The following OGN variants were observed in gnomAD, a reference collection of about 807,000 sequenced individuals.
The protein encoded by OGN is osteoglycin.
OGN carries 19 observed loss-of-function variants against 30.8 expected under a neutral mutation model. That is an observed-to-expected ratio of 0.62 (90% confidence interval 0.43 to 0.90). The LOEUF (loss-of-function observed/expected upper bound fraction) is 0.90. OGN is among the 40% of genes least tolerant of loss of function. OGN has a pLI of 0.00. For missense variants in OGN, 283 were observed against 349.7 expected (o/e 0.81, Z 1.52); for synonymous variants, 126 against 128.3 (o/e 0.98, Z 0.12).
chr9:92,387,565 C>T (rs1380755846), intron 5 of OGN, among the ~76,000 whole-genome samples: 1 of 151,864 alleles, frequency 6.6e-6, no homozygotes, highest in Non-Finnish European at 1.5e-5. Context: ...AATATGTATC[C>T]TGTGGTAGAT....
chr9:92,400,798 A>G (rs1843080928), intron 3 of OGN, among the ~76,000 whole-genome samples: 1 of 152,202 alleles, frequency 6.6e-6, no homozygotes, highest in Admixed American at 6.5e-5. Flanking sequence ...TATTTTGCAA[A>G]TAATCCGTGT....
chr9:92,397,467 C>T (rs1842936372), intron 3 of OGN, among the ~76,000 whole-genome samples: 1 of 152,136 alleles, frequency 6.6e-6, no homozygotes, highest in South Asian at 2.1e-4. Flanking sequence ...GCTGGGATTA[C>T]AGACATGTGC....
chr9:92,403,616 T>C, intron 1 of OGN, 134 bp from the exon 2 acceptor site: 1 of 1,211,268 alleles, frequency 8.3e-7, no homozygotes, highest in Non-Finnish European at 1.0e-6. Context: ...GCAGTTTTTA[T>C]GTATCAGTGA....
chr9:92,392,852 A>G (rs1371229958), intron 4 of OGN, among the ~76,000 whole-genome samples: 4 of 152,180 alleles, frequency 2.6e-5, no homozygotes, highest in African/African-American at 9.7e-5. Flanking sequence ...CATATGTTAG[A>G]TGGGCTGTCA....
intron 1 of OGN, 127 bp from the exon 2 acceptor site, chr9:92,403,609 G>A (rs539101147): frequency 1.6e-6 from 2 of 1,214,902 alleles, no homozygotes; most frequent in African/African-American, 3.1e-5. Context: ...GATGCTAGCA[G>A]TTTTTATGTA....
intron 2 of OGN, 89 bp downstream of exon 2, chr9:92,403,145 T>A (rs1564302061): frequency 1.2e-6 from 1 of 801,234 alleles, no homozygotes; most frequent in East Asian, 2.7e-5. Context: ...CCCTTCCCCT[T>A]ACCTTATCAG....
In OGN at chr9:92,385,802, C is replaced by A. The variant is rs2236529; in HGVS notation, c.727-12G>T. The A allele has an allele frequency of 0.04, 64,423 of 1,612,204 alleles. 1,567 individuals carry two copies. Among genetic ancestry groups the A allele is most frequent in the South Asian group, 0.076 (6,920 of 90,970 alleles). ...GCTATGTTGTTGAACTGAAAAAAAACGAGGAAAACATTGTTCAGAAATCTG... is the reference window on the plus strand; with the variant it reads ...GCTATGTTGTTGAACTGAAAAAAAAAGAGGAAAACATTGTTCAGAAATCTG... On this transcript the variant is annotated splice_polypyrimidine_tract_variant and intron_variant, in intron 6 of 6. Coordinates refer to ENST00000375561, the MANE Select transcript of OGN (RefSeq NM_014057.5).
At chr9:92,394,818 G>C (rs527326748) in intron 3 of OGN, among the ~76,000 whole-genome samples, 2 of 151,788 alleles carry the variant, frequency 1.3e-5, no homozygotes, top group East Asian at 3.9e-4. Flanking sequence ...TGTTGGCCAG[G>C]CTGCTTTCGA....
chr9:92,385,538 C>T lies in OGN; in HGVS notation c.*82G>A. 9.2e-6 allele frequency: 11 copies of T among 1,190,032 alleles called. No individual in the cohort carries two copies. The highest frequency in any genetic ancestry group is 3.0e-5 in the South Asian group (2 of 66,256). 73.7% of individuals were successfully genotyped at this position (1,190,032 alleles called of 1,614,324 possible). On this transcript the variant is annotated 3_prime_UTR_variant, in exon 7 of 7. Transcript: ENST00000375561. ...ATGAGATACAAGGTTAATATTAAAC[C>T]AATACTTAAGTTCCTTTACTCATTG...
intron 2 of OGN, 148 bp from the exon 3 acceptor site, chr9:92,401,333 C>T: frequency 2.0e-6 from 1 of 499,292 alleles, no homozygotes; most frequent in South Asian, 3.4e-5. Context: ...TCCATTTTAT[C>T]ATCTATTAAA....
chr9:92,394,605 A>G (rs1308300896), intron 3 of OGN, among the ~76,000 whole-genome samples: 1 of 150,572 alleles, frequency 6.6e-6, no homozygotes, highest in African/African-American at 2.4e-5. Flanking sequence ...TATTTTTTGA[A>G]TTTTTTTTCT....
rs552700741 is a variant in OGN, at chr9:92,400,064, T to A, written c.268+1028A>T. On this transcript the variant is annotated intron_variant, in intron 3 of 6. Coordinates refer to ENST00000375561, the MANE Select transcript of OGN (RefSeq NM_014057.5). ...TATTGGTAATTTTAGTTGGATTGTT[T>A]TAAATTTATAAATTTAGAAAGAACT... Among the ~76,000 whole-genome samples, 34 of 152,354 alleles carry A rather than the reference T, an allele frequency of 2.2e-4. No individual in the cohort carries two copies. In the South Asian group the frequency reaches 6.8e-3, roughly 31 times the overall value.
At position 92,402,822 on chromosome 9, in the gene OGN, T is replaced by C. The variant is rs185198741; in HGVS notation, c.174+412A>G. Among the ~76,000 whole-genome samples the C allele has an allele frequency of 9.7e-3, 1,482 of 152,334 alleles. 13 individuals carry two copies. Among genetic ancestry groups the C allele is most frequent in the Non-Finnish European group, 0.016 (1,109 of 68,020 alleles). Reference sequence around the variant, plus strand: ...ACTCTTCTATGTATTTTCTTCAAATTGTTTTCTATAATAATAACCTTAAGC... The same window carrying C: ...ACTCTTCTATGTATTTTCTTCAAATCGTTTTCTATAATAATAACCTTAAGC... On this transcript the variant is annotated intron_variant, in intron 2 of 6. Coordinates refer to ENST00000375561, the MANE Select transcript of OGN (RefSeq NM_014057.5).
At chr9:92,401,025 CA>C in intron 3 of OGN, 66 bp downstream of exon 3, 1 of 758,734 alleles carries the variant, frequency 1.3e-6, no homozygotes. Flanking sequence ...TTGATTACCA[CA>C]AGGAATAAAG....
intron 5 of OGN, among the ~76,000 whole-genome samples, chr9:92,387,351 G>C (rs1842476355): frequency 6.6e-6 from 1 of 151,580 alleles, no homozygotes; most frequent in Non-Finnish European, 1.5e-5. Context: ...ACTCCAGCCT[G>C]GGCCACAGAA....
intron 4 of OGN, among the ~76,000 whole-genome samples, chr9:92,390,587 T>TGTGTGTGTGTGTGTGCGCGCGC (rs749697394): frequency 7.1e-6 from 1 of 141,814 alleles, no homozygotes; most frequent in Non-Finnish European, 1.6e-5. Context: ...TGTGTGTGTG[T>TGTGTGTGTGTGTGTGCGCGCGC]GCGCGCGCGC....
intron 3 of OGN, among the ~76,000 whole-genome samples, chr9:92,395,239 G>A (rs762412894): frequency 6.6e-6 from 1 of 152,026 alleles, no homozygotes; most frequent in African/African-American, 2.4e-5. Flanking sequence ...CCTGCTTTTG[G>A]TCAGTATACA....
intron 5 of OGN, 77 bp from the exon 6 acceptor site, chr9:92,386,373 A>C (rs1309505228): frequency 2.4e-6 from 2 of 835,338 alleles, no homozygotes; most frequent in East Asian, 2.5e-5. Flanking sequence ...ATATATGTGC[A>C]TATGAGTATA....
At chr9:92,389,392 C>A (rs1362335612) in intron 5 of OGN, among the ~76,000 whole-genome samples, 1 of 152,124 alleles carries the variant, frequency 6.6e-6, no homozygotes, top group Non-Finnish European at 1.5e-5. Context: ...AAAGGAAAAT[C>A]TCCCTATAGA....
Sources: allele counts gnomAD v4.1 joint callset (sites outside exome capture counted in the v4.1 genomes callset), GRCh38; gene constraint gnomAD v4.1.1; transcripts MANE v1.5; gene names NCBI Gene and HGNC (gene_info 2026-07-23, HGNC 2026-07-21).